The following IMMP2L variants were observed in gnomAD, a reference collection of about 807,000 sequenced individuals.
The protein encoded by IMMP2L is mitochondrial inner membrane protease subunit 2.
A neutral mutation model predicts 19.3 loss-of-function variants in IMMP2L; 18 were observed. The observed-to-expected ratio is 0.93, with a 90% CI of 0.64 to 1.38. The LOEUF is 1.38. Among genes scored for constraint, IMMP2L ranks in the 40% most tolerant of loss-of-function variants. The pLI is 0.00. For synonymous variants in IMMP2L, 76 were observed against 73.0 expected, an observed-to-expected ratio of 1.04 and a Z score of -0.21; for missense variants, 233 against 218.2, an observed-to-expected ratio of 1.07 and a Z score of -0.43.
At chr7:111,422,472 T>G (rs1278115135) in intron 3 of IMMP2L, among the ~76,000 whole-genome samples, 1 of 151,834 alleles carries the variant, frequency 6.6e-6, no homozygotes, top group Non-Finnish European at 1.5e-5. Flanking sequence ...TATTTTACTC[T>G]CTTTGTAGCA....
At chr7:111,071,682 T>G (rs1586080382) in intron 3 of IMMP2L, among the ~76,000 whole-genome samples, 1 of 151,992 alleles carries the variant, frequency 6.6e-6, no homozygotes, top group Non-Finnish European at 1.5e-5. Flanking sequence ...AATAGGTAAA[T>G]TCACAGAGAC....
In IMMP2L at chr7:111,211,302, A is replaced by T. The variant is rs140400140; in HGVS notation, c.240-247737T>A. Among the ~76,000 whole-genome samples the T allele has an allele frequency of 5.9e-5, 9 of 152,152 alleles. 1 individual carries two copies. The South Asian group carries it at 1.2e-3, about 21-fold the overall frequency. Reference sequence around the variant, plus strand: ...TGAATAGCTGGGAGGAAATGACTCTATGCGGAACTACAAAAGCAAAGTGTG... The same window carrying T: ...TGAATAGCTGGGAGGAAATGACTCTTTGCGGAACTACAAAAGCAAAGTGTG... On this transcript the variant is annotated intron_variant, in intron 3 of 5. Coordinates refer to ENST00000405709, the MANE Select transcript of IMMP2L (RefSeq NM_032549.4).
chr7:111,249,341 C>T (rs954130494), intron 3 of IMMP2L, among the ~76,000 whole-genome samples: 4 of 142,066 alleles, frequency 2.8e-5, no homozygotes, highest in South Asian at 4.9e-4. Context: ...TGACCCCTTG[C>T]GCTTCCCAGG....
intron 3 of IMMP2L, among the ~76,000 whole-genome samples, chr7:111,475,192 G>A (rs977302980): frequency 1.3e-5 from 2 of 152,048 alleles, no homozygotes; most frequent in African/African-American, 4.8e-5. Flanking sequence ...ACTAGATTAT[G>A]CAAAGGAATA....
At chr7:111,035,409 C>T (rs1056804934) in intron 3 of IMMP2L, among the ~76,000 whole-genome samples, 2 of 152,090 alleles carry the variant, frequency 1.3e-5, no homozygotes, top group African/African-American at 4.8e-5. Flanking sequence ...ACAACATAAC[C>T]TAGTAGTTAA....
chr7:110,730,376 T>A (rs1050151771), intron 5 of IMMP2L, among the ~76,000 whole-genome samples: 11 of 152,100 alleles, frequency 7.2e-5, no homozygotes, highest in African/African-American at 2.7e-4. Context: ...CCCTCGAACA[T>A]CAGACTCCAC....
intron 5 of IMMP2L, among the ~76,000 whole-genome samples, chr7:110,688,585 A>G (rs745778506): frequency 6.6e-6 from 1 of 152,130 alleles, no homozygotes; most frequent in African/African-American, 2.4e-5. Context: ...CCAAAGAAAC[A>G]TAAGTTAAAA....
At chr7:111,539,262 GAA>G (rs1362615671) in intron 1 of IMMP2L, among the ~76,000 whole-genome samples, 1 of 141,394 alleles carries the variant, frequency 7.1e-6, no homozygotes, top group Non-Finnish European at 1.6e-5. Flanking sequence ...AAGAAAGAAA[GAA>G]AGAAAGAGAA....
chr7:110,992,222 A>G (rs553244458), intron 3 of IMMP2L, among the ~76,000 whole-genome samples: 1 of 152,120 alleles, frequency 6.6e-6, no homozygotes, highest in South Asian at 2.1e-4. Context: ...ACAAACATTT[A>G]ATAAATATTT....
chr7:111,165,588 C>T (rs964515169), intron 3 of IMMP2L, among the ~76,000 whole-genome samples: 40 of 151,844 alleles, frequency 2.6e-4, no homozygotes, highest in Non-Finnish European at 4.1e-4. Flanking sequence ...TTATTTTTAT[C>T]TACTTATTTT....
chr7:111,208,024 C>A (rs886084549), intron 3 of IMMP2L, among the ~76,000 whole-genome samples: 1 of 152,104 alleles, frequency 6.6e-6, no homozygotes, highest in Admixed American at 6.5e-5. Flanking sequence ...GTTCAAAAGA[C>A]CCCCTACCAA....
At chr7:111,476,776 G>C (rs1468184143) in intron 3 of IMMP2L, among the ~76,000 whole-genome samples, 2 of 152,122 alleles carry the variant, frequency 1.3e-5, no homozygotes, top group African/African-American at 2.4e-5. Context: ...TTCAAAGGCT[G>C]TAACAATGTG....
At chr7:111,343,928 T>C (rs903568269) in intron 3 of IMMP2L, among the ~76,000 whole-genome samples, 1 of 152,074 alleles carries the variant, frequency 6.6e-6, no homozygotes, top group East Asian at 1.9e-4. Flanking sequence ...GTGGTCATTG[T>C]TTCTTCTCTC....
Position 111,449,692 on chromosome 7 carries a change from G to A in IMMP2L, c.239+37546C>T, listed in dbSNP as rs1352186615. ...TCTCACCACTCCTATTCAACATAGT[G>A]TTGGAAGTTCTGGCCAGGGCAATCA... is the stretch of plus-strand genomic sequence containing the variant. On this transcript the variant is annotated intron_variant, in intron 3 of 5. Transcript: ENST00000405709. Among the ~76,000 whole-genome samples the A allele has an allele frequency of 3.5e-3, 149 of 42,608 alleles. 13 individuals carry two copies. Among genetic ancestry groups the A allele is most frequent in the Non-Finnish European group, 6.0e-3 (131 of 21,854 alleles). The allele number at this position is 42,608 out of a possible 152,430, so 28.0% of individuals were successfully genotyped here.
chr7:110,920,703 C>T (rs189665863), intron 4 of IMMP2L, among the ~76,000 whole-genome samples: 1 of 152,154 alleles, frequency 6.6e-6, no homozygotes, highest in Admixed American at 6.6e-5. Flanking sequence ...GCAATGATCA[C>T]TATGGGGTAT....
At chr7:110,721,875 C>T (rs1313804227) in intron 5 of IMMP2L, among the ~76,000 whole-genome samples, 1 of 151,498 alleles carries the variant, frequency 6.6e-6, no homozygotes, top group Non-Finnish European at 1.5e-5. Flanking sequence ...GGGATAAGAA[C>T]AAGAGAGAGA....
At chr7:111,032,923 T>C (rs1237008416) in intron 3 of IMMP2L, among the ~76,000 whole-genome samples, 1 of 151,940 alleles carries the variant, frequency 6.6e-6, no homozygotes, top group African/African-American at 2.4e-5. Context: ...AGTTCGAGAC[T>C]AGCCTAGCCA....
chr7:111,501,629 C>T (rs1437300531), intron 2 of IMMP2L, among the ~76,000 whole-genome samples: 2 of 152,154 alleles, frequency 1.3e-5, no homozygotes, highest in African/African-American at 2.4e-5. Context: ...GATCTCTCAG[C>T]AGAAACTCTA....
At chr7:111,073,060 TG>T (rs1795095967) in intron 3 of IMMP2L, among the ~76,000 whole-genome samples, 1 of 152,204 alleles carries the variant, frequency 6.6e-6, no homozygotes, top group Non-Finnish European at 1.5e-5. Context: ...ATAATAGCAC[TG>T]TACTGATGTT....
Sources: allele counts gnomAD v4.1 joint callset (sites outside exome capture counted in the v4.1 genomes callset), GRCh38; gene constraint gnomAD v4.1.1; transcripts MANE v1.5; gene names NCBI Gene and HGNC (gene_info 2026-07-23, HGNC 2026-07-21).